Variants in FAM186A observed in about 807,000 individuals in gnomAD.
FAM186A encodes family with sequence similarity 186 member A, also known as protein FAM186A.
Under a neutral mutation model 216.8 loss-of-function variants are expected in FAM186A, and 163 were observed. That is an observed-to-expected ratio of 0.75 (90% CI 0.66 to 0.86). The LOEUF (loss-of-function observed/expected upper bound fraction) is 0.86. Ranked by LOEUF, FAM186A falls within the 40% of genes least tolerant of loss-of-function variation. The probability of loss-of-function intolerance (pLI) is 0.00; values close to 1 mark genes in which losing one functional copy is unlikely to be tolerated. For missense variants in FAM186A, 2,184 were observed against 2,746.2 expected, an observed-to-expected ratio of 0.80 and a Z score of 4.58; for synonymous variants, 805 against 1,025.3, an observed-to-expected ratio of 0.79 and a Z score of 4.10.
chr12:50,375,288 C>T (rs1943186152), intron 1 of FAM186A, among the ~76,000 whole-genome samples: 1 of 152,120 alleles, frequency 6.6e-6, no homozygotes, highest in Non-Finnish European at 1.5e-5. Flanking sequence ...TGGCTCATGC[C>T]TGTAATCCCA....
intron 1 of FAM186A, among the ~76,000 whole-genome samples, chr12:50,388,097 G>A (rs1056819962): frequency 2.6e-5 from 4 of 152,110 alleles, no homozygotes; most frequent in Non-Finnish European, 5.9e-5. Context: ...ACCATTGGCC[G>A]TAGATAAGCA....
intron 4 of FAM186A, among the ~76,000 whole-genome samples, chr12:50,339,590 T>C (rs1942742422): frequency 6.6e-6 from 1 of 152,216 alleles, no homozygotes; most frequent in African/African-American, 2.4e-5. Flanking sequence ...AATTCTTTAG[T>C]TATCCTCTAT....
chr12:50,371,709 CTT>C (rs1056206570), intron 1 of FAM186A, among the ~76,000 whole-genome samples: 4 of 152,178 alleles, frequency 2.6e-5, no homozygotes, highest in Middle Eastern at 3.4e-3. Context: ...ATAGTTCTGA[CTT>C]TGGTTGCAAA....
rs186938575 is a variant in FAM186A, at chr12:50,396,303, C to T, written c.182G>A (p.Arg61Gln). The change falls in exon 1 of 8, where the codon CGA becomes CAA. Residue 61 changes from arginine (R) to glutamine (Q), a missense_variant. Transcript: ENST00000327337. The part of the protein sequence containing the change: ...ISRIERAQLH[R>Q]AREDIDMQLS... The stretch of plus-strand genomic sequence containing the variant: ...AGATTCACTACCTACCTCTCTGGCT[C>T]GATGGAGCTGTGCGCGCTCAATCCT... 15 of 1,536,322 alleles carry T rather than the reference C, an allele frequency of 9.8e-6. No individual in the cohort carries two copies. The highest frequency in any genetic ancestry group is 2.8e-5 in the African/African-American group (2 of 72,566).
chr12:50,360,691 G>A (rs1592616974), intron 3 of FAM186A, 65 bp downstream of exon 3: 4 of 1,214,360 alleles, frequency 3.3e-6, no homozygotes, highest in Admixed American at 3.4e-5. Context: ...AAAAAAAAAA[G>A]TTGTTTCTCT....
In FAM186A at chr12:50,353,371, G is replaced by C; in HGVS notation, c.3461C>G (p.Ala1154Gly). The change falls in exon 4 of 8, where the codon GCC becomes GGC. Residue 1154 changes from alanine to glycine, a missense_variant. Physicochemically the swap from Ala to Gly is moderately conservative, Grantham distance 60. Coordinates refer to ENST00000327337, the MANE Select transcript of FAM186A (RefSeq NM_001145475.3). ...GITLTPQQDQ[A>G]PGISLTTQQA... Reference sequence around the variant, plus strand: ...CTGAGTGGTGAGAGAGATCCCCGGGGCCTGGTCCTGCTGAGGGGTGAGAGT... The same window carrying C: ...CTGAGTGGTGAGAGAGATCCCCGGGCCCTGGTCCTGCTGAGGGGTGAGAGT... 1 of 1,533,162 alleles carries C rather than the reference G, an allele frequency of 6.5e-7. No individual in the cohort carries two copies. Among genetic ancestry groups the C allele is most frequent in the East Asian group, 2.5e-5 (1 of 39,476 alleles). The allele number at this position is 1,533,162 out of a possible 1,614,324, so 95.0% of individuals were successfully genotyped here.
chr12:50,361,241 T>C (rs1321982169), intron 2 of FAM186A, among the ~76,000 whole-genome samples: 2 of 152,110 alleles, frequency 1.3e-5, no homozygotes, highest in Non-Finnish European at 1.5e-5. Flanking sequence ...CTTTGTTGCC[T>C]AGGCTGGAGT....
At chr12:50,377,400 A>G (rs1943208096) in intron 1 of FAM186A, among the ~76,000 whole-genome samples, 1 of 152,374 alleles carries the variant, frequency 6.6e-6, no homozygotes, top group East Asian at 1.9e-4. Context: ...CAATATTTCA[A>G]AAATTTAGTC....
intron 1 of FAM186A, among the ~76,000 whole-genome samples, chr12:50,377,598 C>T (rs558054749): frequency 1.3e-5 from 2 of 151,960 alleles, no homozygotes; most frequent in African/African-American, 4.8e-5. Flanking sequence ...TTTGGGAGGC[C>T]GAGGCAGGTG....
rs1013880954 is a variant in FAM186A at position 50,350,409 on chromosome 12, A to G, written c.6423T>C (p.Ile2141=). ...GAACTGTGTCCATATGAAGTATCTC[A>G]ATTATGAGAGTCCTAGCCATTGTGT... ...QLHTMARTLI[I]EILHMDTVQL... is the part of the protein sequence containing the mutation. The change falls in exon 4 of 8, where the codon ATT becomes ATC. Residue 2141 remains isoleucine, a synonymous_variant. Coordinates refer to ENST00000327337, the MANE Select transcript of FAM186A (RefSeq NM_001145475.3). 5.8e-6 allele frequency: 9 copies of G among 1,551,346 alleles called. No individual in the cohort carries two copies. The African/African-American group carries it at 8.2e-5, about 14-fold the overall frequency.
intron 4 of FAM186A, among the ~76,000 whole-genome samples, chr12:50,338,412 G>C (rs1444460850): frequency 1.3e-5 from 2 of 152,070 alleles, no homozygotes; most frequent in Non-Finnish European, 2.9e-5. Context: ...TGTTGGCTAG[G>C]CTGGTCTCGA....
rs1234930221 is a variant in FAM186A, at chr12:50,356,075, A to T, written c.757T>A (p.Leu253Met). The change falls in exon 4 of 8, where the codon TTG becomes ATG. Residue 253 changes from leucine (L) to methionine (M), a missense_variant. Physicochemically the swap from Leu to Met is conservative, Grantham distance 15. Transcript: ENST00000327337. The stretch of plus-strand genomic sequence containing the variant: ...ATATATTTAATAGCATTGTTTTCCA[A>T]TGTACTGAACATTGTGGTGCCTATG... Reference protein sequence around the residue: ...ELIGTTMFSTLENNAIKYISS... With the variant: ...ELIGTTMFSTMENNAIKYISS... 1 of 1,551,658 alleles carries T rather than the reference A, an allele frequency of 6.4e-7. No homozygotes were observed. Among genetic ancestry groups the T allele is most frequent in the African/African-American group, 1.4e-5 (1 of 73,178 alleles).
At position 50,388,615 on chromosome 12, in the gene FAM186A, G is replaced by A. The variant is rs143891935; in HGVS notation, c.192+7678C>T. On this transcript the variant is annotated intron_variant, in intron 1 of 7. Coordinates refer to ENST00000327337, the MANE Select transcript of FAM186A (RefSeq NM_001145475.3). ...GTGTGGGCAACAAGAGTGAAACTCC[G>A]TCTCAAAAAAAAAAAAAAAAGATGT... Among the ~76,000 whole-genome samples the A allele has an allele frequency of 5.6e-3, 768 of 137,252 alleles. 10 individuals are homozygous for A. The East Asian group carries it at 0.071, about 13-fold the overall frequency. The allele number at this position is 137,252 out of a possible 152,430, so 90.0% of individuals were successfully genotyped here.
In FAM186A at chr12:50,356,171, C is replaced by G; in HGVS notation, c.661G>C (p.Asp221His). Residue 221 changes from aspartate (D) to histidine (H), a missense_variant, in exon 4 of 8, where the codon GAT becomes CAT. By Grantham distance (81) the Asp-to-His change is moderately conservative. Around this residue, in one of 7 missense-constraint regions of FAM186A, gnomAD observed 1,132 missense variants for 1,263.4 expected, o/e 0.90. Coordinates refer to ENST00000327337, the MANE Select transcript of FAM186A (RefSeq NM_001145475.3). ...RPSTARALRP[D>H]QMISDQLATN... ...GCAAGTTGATCACTAATCATCTGAT[C>G]TGGTCTTAAAGCACGGGCTGTTGAA... is the stretch of plus-strand genomic sequence containing the variant. The G allele has an allele frequency of 1.9e-6, 3 of 1,551,572 alleles. No homozygotes were observed. The highest frequency in any genetic ancestry group is 2.6e-6 in the Non-Finnish European group (3 of 1,146,970).
At chr12:50,380,713 G>C (rs1943246488) in intron 1 of FAM186A, among the ~76,000 whole-genome samples, 1 of 151,476 alleles carries the variant, frequency 6.6e-6, no homozygotes, top group Non-Finnish European at 1.5e-5. Context: ...AAAAGAACTG[G>C]TGTGATGGGA....
intron 6 of FAM186A, 124 bp downstream of exon 6, chr12:50,331,546 A>T: frequency 1.1e-6 from 1 of 933,340 alleles, no homozygotes; most frequent in Non-Finnish European, 1.5e-6. Flanking sequence ...CCAGCCTAAT[A>T]CTCCTTTAGA....
Position 50,360,393 on chromosome 12 carries a change from T to G in FAM186A, c.583+363A>C, listed in dbSNP as rs527458686. Among the ~76,000 whole-genome samples the G allele has an allele frequency of 2.0e-5, 3 of 150,462 alleles. No homozygotes were observed. The East Asian group carries it at 5.8e-4, about 29-fold the overall frequency. ...GCACATTATACCTCAATAAAGCTGT[T>G]TTTTTTTTTGGCTGGGTGCAGTGGC... is the stretch of plus-strand genomic sequence containing the variant. On this transcript the variant is annotated intron_variant, in intron 3 of 7. Coordinates refer to ENST00000327337, the MANE Select transcript of FAM186A (RefSeq NM_001145475.3).
chr12:50,363,326 C>A lies in FAM186A; in HGVS notation c.231G>T (p.Val77=), dbSNP rs1480116692. The change falls in exon 2 of 8, where the codon GTG becomes GTT. Residue 77 remains valine (V), a synonymous_variant. Transcript: ENST00000327337. ...GAGTATAGCGAGTCATTATCCGATG[C>A]ACATTGTTCATTATTTCACTCAGCT... The part of the protein sequence containing the change: ...DMQLSEIMNN[V]HRIMTRYTLV... The A allele has an allele frequency of 6.4e-7, 1 of 1,551,042 alleles. No individual in the cohort carries two copies. The highest frequency in any genetic ancestry group is 8.7e-7 in the Non-Finnish European group (1 of 1,146,910).
intron 4 of FAM186A, among the ~76,000 whole-genome samples, chr12:50,343,373 G>A (rs1028788903): frequency 4.6e-5 from 7 of 152,156 alleles, no homozygotes; most frequent in African/African-American, 1.4e-4. Flanking sequence ...AAAATAAAGT[G>A]CTCAAATCAC....
Sources: allele counts gnomAD v4.1 joint callset (sites outside exome capture counted in the v4.1 genomes callset), GRCh38; gene constraint gnomAD v4.1.1; regional missense constraint gnomAD v4.1.1; transcripts MANE v1.5; gene names NCBI Gene and HGNC (gene_info 2026-07-23, HGNC 2026-07-21).